Variants in ITPK1 observed in about 807,000 individuals in gnomAD.
ITPK1 encodes the protein inositol-tetrakisphosphate 1-kinase.
ITPK1 carries 21 observed loss-of-function variants against 45.3 expected under a neutral mutation model. The ratio of observed to expected loss-of-function variants is 0.46; its 90% confidence interval spans 0.33 to 0.67. The LOEUF (loss-of-function observed/expected upper bound fraction) is 0.67, where lower values mean the gene tolerates loss of function less well. Ranked by LOEUF, ITPK1 falls within the 30% of genes least tolerant of loss-of-function variation. ITPK1 has a pLI of 0.02. For missense variants in ITPK1, 474 were observed against 573.5 expected, an observed-to-expected ratio of 0.83 and a Z score of 1.77; for synonymous variants, 258 against 253.6, an observed-to-expected ratio of 1.02 and a Z score of -0.16.
intron 2 of ITPK1, among the ~76,000 whole-genome samples, chr14:93,112,397 C>A (rs1392979000): frequency 1.3e-5 from 2 of 151,610 alleles, no homozygotes; most frequent in South Asian, 2.1e-4. Flanking sequence ...CGGGCCGGAC[C>A]ATTCGGGTCA....
intron 3 of ITPK1, among the ~76,000 whole-genome samples, chr14:93,026,322 A>G (rs992430333): frequency 2.0e-5 from 3 of 152,222 alleles, no homozygotes; most frequent in African/African-American, 7.2e-5. Context: ...CACAACAGAA[A>G]ACATGAACAA....
chr14:92,956,329 T>G (rs1020001629), intron 8 of ITPK1, among the ~76,000 whole-genome samples: 2 of 151,354 alleles, frequency 1.3e-5, no homozygotes, highest in African/African-American at 4.9e-5. Context: ...GGAGTTTCAC[T>G]ATGTTGCCCA....
At chr14:92,969,976 G>A (rs1212962193) in intron 5 of ITPK1, among the ~76,000 whole-genome samples, 1 of 152,162 alleles carries the variant, frequency 6.6e-6, no homozygotes, top group African/African-American at 2.4e-5. Flanking sequence ...CACAAGTCCA[G>A]AAAGGGGAAG....
intron 2 of ITPK1, among the ~76,000 whole-genome samples, chr14:93,114,289 C>T (rs1892856268): frequency 6.6e-6 from 1 of 152,254 alleles, no homozygotes; most frequent in Non-Finnish European, 1.5e-5. Context: ...CTGTTAAACA[C>T]CGGAGACTCC....
chr14:93,074,336 C>T (rs1032767422), intron 3 of ITPK1, among the ~76,000 whole-genome samples: 3 of 152,234 alleles, frequency 2.0e-5, no homozygotes, highest in Admixed American at 1.3e-4. Flanking sequence ...GACACAATGG[C>T]TCCAGTCTCC....
chr14:92,953,021 G>A (rs1405561260), intron 8 of ITPK1, among the ~76,000 whole-genome samples: 1 of 152,230 alleles, frequency 6.6e-6, no homozygotes, highest in African/African-American at 2.4e-5. Flanking sequence ...GAGGCATTGT[G>A]GCTCCCACCC....
At chr14:93,099,667 C>T (rs1299575551) in intron 2 of ITPK1, among the ~76,000 whole-genome samples, 3 of 152,174 alleles carry the variant, frequency 2.0e-5, no homozygotes, top group Non-Finnish European at 4.4e-5. Context: ...AGGTGGGGTC[C>T]AGGAAGCCGC....
At chr14:93,055,782 A>T (rs534923433) in intron 3 of ITPK1, among the ~76,000 whole-genome samples, 12 of 152,024 alleles carry the variant, frequency 7.9e-5, no homozygotes, top group African/African-American at 2.9e-4. Flanking sequence ...GGTCCCTACC[A>T]CTCCCCGGGC....
chr14:93,086,541 C>T (rs1363472814), intron 2 of ITPK1, among the ~76,000 whole-genome samples: 1 of 152,250 alleles, frequency 6.6e-6, no homozygotes, highest in East Asian at 1.9e-4. Flanking sequence ...AGGGGGACCC[C>T]AGACCGCAAA....
intron 3 of ITPK1, among the ~76,000 whole-genome samples, chr14:93,042,819 A>T (rs993618124): frequency 6.6e-6 from 1 of 152,112 alleles, no homozygotes; most frequent in African/African-American, 2.4e-5. Flanking sequence ...GGAGTTCAAG[A>T]CCAACCTGAG....
chr14:93,055,199 C>T (rs1383269153), intron 3 of ITPK1, among the ~76,000 whole-genome samples: 3 of 152,208 alleles, frequency 2.0e-5, no homozygotes, highest in Admixed American at 6.5e-5. Flanking sequence ...TGTACGTACC[C>T]ATTCTACAGC....
chr14:93,037,566 G>C (rs950829651), intron 3 of ITPK1, among the ~76,000 whole-genome samples: 1 of 152,038 alleles, frequency 6.6e-6, no homozygotes, highest in Non-Finnish European at 1.5e-5. Context: ...ACTTCACAAC[G>C]GGAGTCCAAG....
At chr14:93,060,984 T>C (rs1009523004) in intron 3 of ITPK1, among the ~76,000 whole-genome samples, 1 of 152,204 alleles carries the variant, frequency 6.6e-6, no homozygotes, top group Non-Finnish European at 1.5e-5. Context: ...GTCAGGTAGC[T>C]GGGGTTCCCT....
chr14:93,054,071 G>A (rs967339810), intron 3 of ITPK1, among the ~76,000 whole-genome samples: 1 of 152,180 alleles, frequency 6.6e-6, no homozygotes, highest in Non-Finnish European at 1.5e-5. Context: ...ATCCAACCCT[G>A]ACTGAACATC....
rs541517033 is a variant in ITPK1, at chr14:93,050,511, G to A, written c.120+26084C>T. 5.3e-5 allele frequency among the ~76,000 whole-genome samples: 8 copies of A among 152,286 alleles called. No individual in the cohort carries two copies. In the South Asian group the frequency reaches 6.2e-4, roughly 12 times the overall value. On this transcript the variant is annotated intron_variant, in intron 3 of 10. Transcript: ENST00000267615. ...AGAGAGAGGAGCAAGGGCTGATGGC[G>A]GGCACCCAGGGATCGCAGGTGGCCG...
chr14:92,998,835 G>A (rs1638261988), intron 4 of ITPK1: 1 of 151,792 alleles, frequency 6.6e-6, no homozygotes, highest in African/African-American at 2.4e-5. Context: ...TTATAGTAAG[G>A]ATAATAATAA....
chr14:93,042,339 C>T (rs2139913113), intron 3 of ITPK1, among the ~76,000 whole-genome samples: 2 of 152,318 alleles, frequency 1.3e-5, no homozygotes, highest in Admixed American at 1.3e-4. Context: ...TCCCTCTCTC[C>T]CCAGCCAAGC....
chr14:93,001,964 C>T (rs953628057), intron 4 of ITPK1, among the ~76,000 whole-genome samples: 2 of 152,166 alleles, frequency 1.3e-5, no homozygotes, highest in African/African-American at 2.4e-5. Context: ...TCACCACGCA[C>T]GGGTCACAGA....
chr14:93,004,548 G>A (rs1202892713), intron 4 of ITPK1, among the ~76,000 whole-genome samples: 1 of 152,118 alleles, frequency 6.6e-6, no homozygotes, highest in Non-Finnish European at 1.5e-5. Context: ...GCTTGTGAGT[G>A]AGTGCGTGTG....
Sources: allele counts gnomAD v4.1 joint callset (sites outside exome capture counted in the v4.1 genomes callset), GRCh38; gene constraint gnomAD v4.1.1; transcripts MANE v1.5; gene names NCBI Gene and HGNC (gene_info 2026-07-23, HGNC 2026-07-21).